The following CDC42SE2 variants were observed in gnomAD, a reference collection of about 807,000 sequenced individuals.
CDC42SE2 encodes CDC42 small effector 2, also known as CDC42 small effector protein 2.
In CDC42SE2, 3 loss-of-function variants were observed where a neutral mutation model predicts 11.5. The ratio of observed to expected loss-of-function variants is 0.26; its 90% confidence interval spans 0.12 to 0.67. The LOEUF is 0.67. Ranked by LOEUF, CDC42SE2 falls within the 30% of genes least tolerant of loss-of-function variation. The pLI, the probability that CDC42SE2 is intolerant of heterozygous loss-of-function variation, is 0.80. For missense variants in CDC42SE2, 82 were observed against 106.8 expected (o/e 0.77, Z 1.02); for synonymous variants, 33 against 34.8 (o/e 0.95, Z 0.18).
intron 1 of CDC42SE2, among the ~76,000 whole-genome samples, chr5:131,279,060 C>T (rs947452155): frequency 6.6e-6 from 1 of 151,894 alleles, no homozygotes; most frequent in African/African-American, 2.4e-5. Context: ...TCTGGGATTA[C>T]AGGCGTAAGC....
chr5:131,292,831 G>C (rs1288333635), intron 1 of CDC42SE2, among the ~76,000 whole-genome samples: 1 of 140,996 alleles, frequency 7.1e-6, no homozygotes, highest in African/African-American at 2.6e-5. Flanking sequence ...AGGATCGCTT[G>C]AGCACAGGAG....
chr5:131,269,090 A>G (rs1195857443), intron 1 of CDC42SE2, among the ~76,000 whole-genome samples: 3 of 152,072 alleles, frequency 2.0e-5, no homozygotes, highest in African/African-American at 7.2e-5. Flanking sequence ...GCATCCTGCT[A>G]CCTTGGTTCA....
chr5:131,347,376 T>C (rs901519632), intron 2 of CDC42SE2, among the ~76,000 whole-genome samples: 53 of 152,204 alleles, frequency 3.5e-4, no homozygotes, highest in Middle Eastern at 3.4e-3. Flanking sequence ...AACACCTCTA[T>C]GCAAATAAAC....
At chr5:131,237,679 G>A in the CDC42SE2 span, among the ~76,000 whole-genome samples, 4 of 152,134 alleles carry the variant, frequency 2.6e-5, no homozygotes, top group South Asian at 8.3e-4. Context: ...CCTGGGCTCA[G>A]GCAATCCTCC....
At chr5:131,271,391 AAAG>A (rs2149693900) in intron 1 of CDC42SE2, among the ~76,000 whole-genome samples, 1 of 152,316 alleles carries the variant, frequency 6.6e-6, no homozygotes, top group African/African-American at 2.4e-5. Flanking sequence ...AAGTATTTAA[AAAG>A]AAAAAACAGA....
intron 2 of CDC42SE2, among the ~76,000 whole-genome samples, chr5:131,332,493 T>C (rs1033879906): frequency 2.6e-5 from 4 of 152,130 alleles, no homozygotes; most frequent in Admixed American, 6.5e-5. Flanking sequence ...AGTAATGGGA[T>C]GGCTGGATCA....
At chr5:131,328,424 T>C (rs1219281480) in intron 2 of CDC42SE2, among the ~76,000 whole-genome samples, 1 of 152,194 alleles carries the variant, frequency 6.6e-6, no homozygotes, top group Non-Finnish European at 1.5e-5. Flanking sequence ...TTCACTTCTT[T>C]TATCTTTAAT....
At chr5:131,275,999 T>C (rs1757092330) in intron 1 of CDC42SE2, among the ~76,000 whole-genome samples, 1 of 152,138 alleles carries the variant, frequency 6.6e-6, no homozygotes, top group South Asian at 2.1e-4. Context: ...CTAAAAATGC[T>C]TGTACATACT....
At chr5:131,365,967 C>T (rs569838459) in intron 3 of CDC42SE2, among the ~76,000 whole-genome samples, 13 of 152,120 alleles carry the variant, frequency 8.5e-5, no homozygotes, top group African/African-American at 1.9e-4. Context: ...GGAGACAGAG[C>T]GAGATTCTGT....
the CDC42SE2 span, among the ~76,000 whole-genome samples, chr5:131,219,260 G>A: frequency 6.6e-6 from 1 of 152,100 alleles, no homozygotes; most frequent in African/African-American, 2.4e-5. Flanking sequence ...TTACATAGTT[G>A]GGGAAAAGCA....
chr5:131,321,986 G>A (rs1175098710), intron 2 of CDC42SE2, among the ~76,000 whole-genome samples: 2 of 152,130 alleles, frequency 1.3e-5, no homozygotes, highest in East Asian at 3.8e-4. Context: ...AAGTAGCTGG[G>A]ACTACAGGCA....
At chr5:131,316,264 A>C (rs1758037451) in intron 2 of CDC42SE2, 120 bp downstream of exon 2, 1 of 152,384 alleles carries the variant, frequency 6.6e-6, no homozygotes, top group Non-Finnish European at 1.5e-5. Context: ...AGAGGAGGAC[A>C]GCAGTGCAGT....
intron 1 of CDC42SE2, among the ~76,000 whole-genome samples, chr5:131,298,181 C>A (rs903767314): frequency 5.9e-5 from 9 of 151,640 alleles, no homozygotes; most frequent in Non-Finnish European, 2.9e-5. Flanking sequence ...CGGCTCAGCG[C>A]AACCTCTGCC....
At chr5:131,241,870 TTTC>T (rs1224815697), upstream of CDC42SE2, among the ~76,000 whole-genome samples, 2 of 56,490 alleles carry the variant, frequency 3.5e-5, no homozygotes, top group African/African-American at 6.7e-5. Flanking sequence ...CTTTTTCCTC[TTTC>T]TTTAATCTCT....
At chr5:131,330,895 G>C (rs1398163087) in intron 2 of CDC42SE2, among the ~76,000 whole-genome samples, 1 of 151,708 alleles carries the variant, frequency 6.6e-6, no homozygotes, top group Non-Finnish European at 1.5e-5. Flanking sequence ...GCTTGGTGGT[G>C]CATGCCTGTA....
chr5:131,215,239 C>T, the CDC42SE2 span, among the ~76,000 whole-genome samples: 1 of 152,172 alleles, frequency 6.6e-6, no homozygotes, highest in South Asian at 2.1e-4. Context: ...TTGATCATTC[C>T]TGGGCTTCTG....
intron 1 of CDC42SE2, among the ~76,000 whole-genome samples, chr5:131,310,889 CTT>C (rs980151515): frequency 6.6e-6 from 1 of 151,996 alleles, no homozygotes; most frequent in Non-Finnish European, 1.5e-5. Flanking sequence ...GGTCTTGACT[CTT>C]TATCCAATTT....
At chr5:131,262,800 G>T (rs959412399), upstream of CDC42SE2, among the ~76,000 whole-genome samples, 5 of 151,728 alleles carry the variant, frequency 3.3e-5, no homozygotes, top group African/African-American at 9.7e-5. Flanking sequence ...AAATTGTTGT[G>T]TTTTTTTTCC....
the CDC42SE2 span, among the ~76,000 whole-genome samples, chr5:131,219,072 G>A: frequency 6.6e-6 from 1 of 152,138 alleles, no homozygotes; most frequent in Non-Finnish European, 1.5e-5. Flanking sequence ...CTAAGTGGAG[G>A]TTATGCAATT....
Sources: allele counts gnomAD v4.1 joint callset (sites outside exome capture counted in the v4.1 genomes callset), GRCh38; gene constraint gnomAD v4.1.1; transcripts MANE v1.5; gene names NCBI Gene and HGNC (gene_info 2026-07-23, HGNC 2026-07-21).